The following GAS7 variants were observed in gnomAD, a reference collection of about 807,000 sequenced individuals.
GAS7 encodes the protein growth arrest-specific protein 7.
A neutral mutation model predicts 71.1 loss-of-function variants in GAS7; 28 were observed. The ratio of observed to expected loss-of-function variants is 0.39; its 90% CI spans 0.29 to 0.54. The LOEUF is 0.54. Among genes scored for constraint, GAS7 ranks in the 20% least tolerant of loss-of-function variants. GAS7 has a pLI of 0.62. For missense variants in GAS7, 436 were observed against 627.8 expected, an observed-to-expected ratio of 0.69 and a Z score of 3.27; for synonymous variants, 258 against 245.8, an observed-to-expected ratio of 1.05 and a Z score of -0.46.
At chr17:10,005,005 A>ATCTCTCTCTCTCGC (rs1555617151) in intron 2 of GAS7, among the ~76,000 whole-genome samples, 3 of 147,284 alleles carry the variant, frequency 2.0e-5, no homozygotes, top group Non-Finnish European at 3.0e-5. Flanking sequence ...GCAGGACTTC[A>ATCTCTCTCTCTCGC]TCTCTCTCTC....
chr17:10,130,039 C>T (rs1051512337), intron 1 of GAS7, among the ~76,000 whole-genome samples: 9 of 151,896 alleles, frequency 5.9e-5, no homozygotes, highest in South Asian at 4.2e-4. Flanking sequence ...TGTGGTGGCG[C>T]GCGCCTGTAA....
At chr17:10,047,113 C>G (rs987474420) in intron 1 of GAS7, among the ~76,000 whole-genome samples, 1 of 152,082 alleles carries the variant, frequency 6.6e-6, no homozygotes, top group African/African-American at 2.4e-5. Flanking sequence ...CATTTAGGTA[C>G]AGCAAGTCCC....
In GAS7 at chr17:10,036,683, A is replaced by C. The variant is rs187304088; in HGVS notation, c.184-16786T>G. ...CCACTACATTGCATAGTTCCTTCCAAATCCGCTCCAGTGCTTGCTGGGAAA... is the reference window on the plus strand; with the variant it reads ...CCACTACATTGCATAGTTCCTTCCACATCCGCTCCAGTGCTTGCTGGGAAA... On this transcript the variant is annotated intron_variant, in intron 1 of 13. Transcript: ENST00000432992. The C allele has an allele frequency of 2.6e-5, 34 of 1,314,584 alleles. No homozygotes were observed. The East Asian group carries it at 5.0e-4, about 19-fold the overall frequency. The allele number at this position is 1,314,584 out of a possible 1,614,324, so 81.4% of individuals were successfully genotyped here.
At chr17:10,022,656 T>C (rs934678623) in intron 1 of GAS7, among the ~76,000 whole-genome samples, 2 of 152,108 alleles carry the variant, frequency 1.3e-5, no homozygotes, top group Non-Finnish European at 2.9e-5. Context: ...AGGGTAACAA[T>C]ACGTAACTCA....
rs759409547 is a variant in GAS7 at position 9,969,689 on chromosome 17, G to T, written c.459C>A (p.Thr153=). ...ETAHMSVRKS[T]GDSQNLGSSS... ...CAGGACCCCTTACCTGGGAATCACC[G>T]GTGGATTTTCGGACACTCATGTGGG... is the stretch of plus-strand genomic sequence containing the variant. Residue 153 remains threonine, a synonymous_variant, in exon 4 of 14, where the codon ACC becomes ACA. Coordinates refer to ENST00000432992, the MANE Select transcript of GAS7 (RefSeq NM_201433.2). This position sits in a 1 kb window ranked among gnomAD's most constrained non-coding sequence, Gnocchi z 5.5. 6.2e-7 allele frequency: 1 copy of T among 1,604,926 alleles called. No individual in the cohort carries two copies. Among genetic ancestry groups the T allele is most frequent in the South Asian group, 1.1e-5 (1 of 90,886 alleles).
chr17:10,010,338 G>C (rs563788959), intron 2 of GAS7, among the ~76,000 whole-genome samples: 4 of 152,102 alleles, frequency 2.6e-5, no homozygotes, highest in South Asian at 2.1e-4. Flanking sequence ...TTTTTTAGTA[G>C]AGACAGGGTT....
rs538655618 is a variant in GAS7 at position 10,084,617 on chromosome 17, C to T, written c.184-64720G>A. On this transcript the variant is annotated intron_variant, in intron 1 of 13. Coordinates refer to ENST00000432992, the MANE Select transcript of GAS7 (RefSeq NM_201433.2). Reference sequence around the variant, plus strand: ...AAGTAGCTGAGATTACAGGCACCTGCCACCACACCTGGCTAATATTTGTAT... The same window carrying T: ...AAGTAGCTGAGATTACAGGCACCTGTCACCACACCTGGCTAATATTTGTAT... 5.9e-5 allele frequency among the ~76,000 whole-genome samples: 9 copies of T among 152,266 alleles called. No homozygotes were observed. The South Asian group carries it at 1.0e-3, about 18-fold the overall frequency.
intron 1 of GAS7, among the ~76,000 whole-genome samples, chr17:10,117,999 C>T (rs1174842959): frequency 1.3e-5 from 2 of 152,168 alleles, no homozygotes; most frequent in Non-Finnish European, 2.9e-5. Flanking sequence ...CAGACCTGGG[C>T]TAGGCAACTG....
At chr17:9,937,988 A>G (rs1159272183) in intron 8 of GAS7, among the ~76,000 whole-genome samples, 1 of 152,232 alleles carries the variant, frequency 6.6e-6, no homozygotes, top group African/African-American at 2.4e-5. Context: ...GGACGAGACC[A>G]AATCAAACGC....
At chr17:10,018,795 T>C (rs962476357) in intron 2 of GAS7, among the ~76,000 whole-genome samples, 6 of 152,114 alleles carry the variant, frequency 3.9e-5, no homozygotes, top group Admixed American at 1.3e-4. Flanking sequence ...GAAGGGGTGG[T>C]CATGTAGTCA....
At chr17:10,076,342 G>A (rs1200928317) in intron 1 of GAS7, among the ~76,000 whole-genome samples, 2 of 73,346 alleles carry the variant, frequency 2.7e-5, no homozygotes, top group African/African-American at 1.1e-4. Context: ...AGGGGAGGGG[G>A]AGGTGACAGA....
intron 1 of GAS7, among the ~76,000 whole-genome samples, chr17:10,167,215 G>A (rs955622280): frequency 2.0e-5 from 3 of 151,392 alleles, no homozygotes; most frequent in Non-Finnish European, 4.4e-5. Context: ...GCACCACCAC[G>A]CCCGGCTAAT....
intron 5 of GAS7, among the ~76,000 whole-genome samples, chr17:9,953,515 G>C (rs1036474870): frequency 6.6e-6 from 1 of 152,164 alleles, no homozygotes; most frequent in African/African-American, 2.4e-5. Context: ...CATCTTCCCA[G>C]CAACTCCACA....
At chr17:10,087,221 A>G (rs2073529020) in intron 1 of GAS7, among the ~76,000 whole-genome samples, 1 of 152,226 alleles carries the variant, frequency 6.6e-6, no homozygotes, top group African/African-American at 2.4e-5. Flanking sequence ...AACTCACAAG[A>G]GCACATGGGT....
chr17:9,957,360 T>C (rs760083570), intron 5 of GAS7, among the ~76,000 whole-genome samples: 42 of 152,278 alleles, frequency 2.8e-4, no homozygotes, highest in Non-Finnish European at 4.7e-4. Flanking sequence ...GGGCGAGGTG[T>C]GCTGCCCATC....
chr17:10,145,077 G>T (rs999408319), intron 1 of GAS7, among the ~76,000 whole-genome samples: 1 of 152,212 alleles, frequency 6.6e-6, no homozygotes, highest in South Asian at 2.1e-4. Flanking sequence ...AGGAATGGCT[G>T]CTGCCCCCAG....
intron 1 of GAS7, among the ~76,000 whole-genome samples, chr17:10,117,322 A>G (rs376673955): frequency 9.1e-4 from 138 of 152,214 alleles, no homozygotes; most frequent in African/African-American, 3.1e-3. Flanking sequence ...ATCCAGGATT[A>G]TCTCCCCATC....
rs2070095130 is a variant in GAS7, at chr17:9,974,312, C to T, written c.386-4550G>A. 6.6e-6 allele frequency among the ~76,000 whole-genome samples: 1 copy of T among 152,022 alleles called. No homozygotes were observed. Among genetic ancestry groups the T allele is most frequent in the South Asian group, 2.1e-4 (1 of 4,814 alleles). ...CAGTGGAGATCTAGACAGTTATAGC[C>T]CACAAGATCCTGGCAACCCTCACCC... is the stretch of plus-strand genomic sequence containing the variant. On this transcript the variant is annotated intron_variant, in intron 3 of 13. Coordinates refer to ENST00000432992, the MANE Select transcript of GAS7 (RefSeq NM_201433.2). This position sits in a 1 kb window ranked among gnomAD's most constrained non-coding sequence, Gnocchi z 4.0.
rs977508335 is a variant in GAS7, at chr17:9,919,969, T to G, written c.1139-264A>C. On this transcript the variant is annotated intron_variant, in intron 11 of 13. Transcript: ENST00000432992. This position sits in a 1 kb window ranked among gnomAD's most constrained non-coding sequence, Gnocchi z 5.0. ...AGGATTCAGGATGGTGGTTCTCATTTTGTGTGTGTGTGTGTGTGTGTGTGT... is the reference window on the plus strand; with the variant it reads ...AGGATTCAGGATGGTGGTTCTCATTGTGTGTGTGTGTGTGTGTGTGTGTGT... Among the ~76,000 whole-genome samples, 13 of 131,398 alleles carry G rather than the reference T, an allele frequency of 9.9e-5. No homozygotes were observed. The highest frequency in any genetic ancestry group is 2.9e-4 in the African/African-American group (10 of 34,244). 86.2% of individuals were successfully genotyped at this position (131,398 alleles called of 152,430 possible).
Sources: gnomAD v4.1 joint callset for allele counts (sites outside exome capture counted in the v4.1 genomes callset) on GRCh38, gnomAD v4.1.1 for gene constraint, Gnocchi (gnomAD v3.1) non-coding constraint, MANE v1.5 for transcripts, NCBI Gene and HGNC (gene_info 2026-07-23, HGNC 2026-07-21) for gene names.